Variants in MEIG1 observed in about 807,000 individuals in gnomAD.
MEIG1 encodes the protein meiosis/spermiogenesis associated 1.
Under a neutral mutation model 11.3 loss-of-function variants are expected in MEIG1, and 12 were observed. The observed-to-expected ratio is 1.07, with a 90% CI of 0.68 to 1.73. The LOEUF is 1.73. MEIG1 is among the 40% of genes most tolerant of loss of function. The probability of loss-of-function intolerance (pLI) is 0.00; values close to 1 mark genes in which losing one functional copy is unlikely to be tolerated. For missense variants in MEIG1, 119 were observed against 104.9 expected, an observed-to-expected ratio of 1.13 and a Z score of -0.59; for synonymous variants, 41 against 33.2, an observed-to-expected ratio of 1.24 and a Z score of -0.81.
intron 1 of MEIG1, among the ~76,000 whole-genome samples, chr10:14,965,373 G>T (rs1843067975): frequency 6.6e-6 from 1 of 152,156 alleles, no homozygotes. Context: ...GAAGTTCGGT[G>T]AATAGACAAT....
Position 14,972,718 on chromosome 10 carries a change from G to C in MEIG1, c.*77G>C. ...CTTCTACATCATGTGTTTGTCATTT[G>C]ATGAAATAATTCAAGATGCAGTCTG... On this transcript the variant is annotated 3_prime_UTR_variant, in exon 3 of 3. Coordinates refer to ENST00000407572, the MANE Select transcript of MEIG1 (RefSeq NM_001080836.3). 7.5e-7 allele frequency: 1 copy of C among 1,338,646 alleles called. No homozygotes were observed. Among genetic ancestry groups the C allele is most frequent in the Non-Finnish European group, 1.0e-6 (1 of 996,830 alleles). 82.9% of individuals were successfully genotyped at this position (1,338,646 alleles called of 1,614,324 possible).
intron 1 of MEIG1, among the ~76,000 whole-genome samples, chr10:14,981,150 G>A (rs1222365987): frequency 6.6e-6 from 1 of 151,548 alleles, no homozygotes; most frequent in African/African-American, 2.4e-5. Flanking sequence ...AAGCGGCTGG[G>A]CCCCAGTCTT....
chr10:14,981,817 A>G (rs903189371), intron 1 of MEIG1, among the ~76,000 whole-genome samples: 18 of 152,210 alleles, frequency 1.2e-4, no homozygotes, highest in Admixed American at 4.6e-4. Flanking sequence ...CTGACAGCCA[A>G]GCTGAGTTTC....
chr10:14,955,814 G>A (rs1345838482), upstream of MEIG1, among the ~76,000 whole-genome samples: 1 of 152,204 alleles, frequency 6.6e-6, no homozygotes, highest in Non-Finnish European at 1.5e-5. Flanking sequence ...GGAGGGGGAG[G>A]AGGGGTGACA....
intron 1 of MEIG1, among the ~76,000 whole-genome samples, chr10:14,960,803 G>C (rs1042897930): frequency 2.0e-5 from 3 of 151,924 alleles, no homozygotes; most frequent in African/African-American, 7.2e-5. Flanking sequence ...GAGGCAGGCG[G>C]ATCACCTGAG....
At chr10:14,980,890 C>T (rs1428456257) in intron 1 of MEIG1, among the ~76,000 whole-genome samples, 1 of 152,146 alleles carries the variant, frequency 6.6e-6, no homozygotes, top group Non-Finnish European at 1.5e-5. Flanking sequence ...AAGCAGCTGT[C>T]CTCAGCTGGC....
chr10:14,968,206 G>T (rs867743460), intron 2 of MEIG1, among the ~76,000 whole-genome samples: 5 of 152,074 alleles, frequency 3.3e-5, no homozygotes, highest in Middle Eastern at 3.2e-3. Context: ...GTACATAGGA[G>T]GCTGGGAGTG....
upstream of MEIG1, among the ~76,000 whole-genome samples, chr10:14,955,689 C>A (rs926239277): frequency 6.6e-6 from 1 of 152,158 alleles, no homozygotes; most frequent in Non-Finnish European, 1.5e-5. Flanking sequence ...CAGAGAGAGA[C>A]TCTGTCTCAA....
At chr10:14,982,622 C>T (rs1412450141) in intron 1 of MEIG1, among the ~76,000 whole-genome samples, 2 of 152,262 alleles carry the variant, frequency 1.3e-5, no homozygotes, top group East Asian at 3.9e-4. Context: ...CCATCCTCCT[C>T]TATCCCAGTA....
At chr10:14,978,032 G>A (rs145103474) in intron 1 of MEIG1, among the ~76,000 whole-genome samples, 1 of 151,832 alleles carries the variant, frequency 6.6e-6, no homozygotes, top group East Asian at 1.9e-4. Flanking sequence ...ATATTCTAGG[G>A]GGGTGTTCCT....
At chr10:14,970,732 C>T (rs929816492) in intron 2 of MEIG1, among the ~76,000 whole-genome samples, 4 of 152,158 alleles carry the variant, frequency 2.6e-5, no homozygotes, top group African/African-American at 9.7e-5. Context: ...GACATGTGGA[C>T]ACAGATGGTA....
At chr10:14,977,520 C>T (rs1209580041), downstream of MEIG1, among the ~76,000 whole-genome samples, 2 of 151,936 alleles carry the variant, frequency 1.3e-5, no homozygotes, top group Non-Finnish European at 2.9e-5. Context: ...AGGGGGTGTA[C>T]ACCCTTCGAT....
At chr10:14,968,163 T>C (rs985601182) in intron 2 of MEIG1, among the ~76,000 whole-genome samples, 7 of 152,194 alleles carry the variant, frequency 4.6e-5, no homozygotes, top group African/African-American at 1.7e-4. Flanking sequence ...TTTTATTCTA[T>C]TCTTTGACCT....
downstream of MEIG1, among the ~76,000 whole-genome samples, chr10:14,977,324 C>T (rs1027809740): frequency 4.6e-5 from 7 of 152,026 alleles, no homozygotes; most frequent in Admixed American, 3.3e-4. Flanking sequence ...CTTAATGTCA[C>T]AGGCCTGTTC....
At chr10:14,986,100 A>G (rs1843315653) in intron 1 of MEIG1, among the ~76,000 whole-genome samples, 2 of 152,268 alleles carry the variant, frequency 1.3e-5, no homozygotes, top group South Asian at 4.1e-4. Context: ...ATTAATTCTA[A>G]TATCACAGTG....
chr10:14,981,019 G>C (rs1427472505), intron 1 of MEIG1, among the ~76,000 whole-genome samples: 1 of 152,136 alleles, frequency 6.6e-6, no homozygotes, highest in African/African-American at 2.4e-5. Flanking sequence ...TTGGGAACAG[G>C]CAGGAGGGGA....
At chr10:14,965,682 G>A (rs951098635) in intron 1 of MEIG1, among the ~76,000 whole-genome samples, 48 of 60,520 alleles carry the variant, frequency 7.9e-4, no homozygotes, top group Non-Finnish European at 1.4e-3. Flanking sequence ...TTTTGAGAGA[G>A]AGAGAGAGAG....
At chr10:14,975,351 T>A (rs1436194548), downstream of MEIG1, among the ~76,000 whole-genome samples, 3 of 152,250 alleles carry the variant, frequency 2.0e-5, no homozygotes, top group Non-Finnish European at 2.9e-5. Flanking sequence ...ACACCCATCC[T>A]GGGATATTCT....
intron 2 of MEIG1, among the ~76,000 whole-genome samples, chr10:14,967,213 G>A (rs1041999637): frequency 1.3e-5 from 2 of 152,032 alleles, no homozygotes; most frequent in Non-Finnish European, 2.9e-5. Flanking sequence ...CCTCACTCAG[G>A]TGATTTCATT....
Sources: allele counts gnomAD v4.1 joint callset (sites outside exome capture counted in the v4.1 genomes callset), GRCh38; gene constraint gnomAD v4.1.1; transcripts MANE v1.5; gene names NCBI Gene and HGNC (gene_info 2026-07-23, HGNC 2026-07-21).